HSD17B14: variants seen among roughly 807,000 people sequenced by gnomAD.
HSD17B14 encodes hydroxysteroid 17-beta dehydrogenase 14.
Under a neutral mutation model 32.2 loss-of-function variants are expected in HSD17B14, and 32 were observed. The observed-to-expected ratio is 0.99, with a 90% CI of 0.75 to 1.33. The LOEUF (loss-of-function observed/expected upper bound fraction) is 1.33. HSD17B14 is among the 40% of genes most tolerant of loss of function. HSD17B14 has a pLI of 0.00. For synonymous variants in HSD17B14, 140 were observed against 155.4 expected (o/e 0.90, Z 0.74); for missense variants, 370 against 366.5 (o/e 1.01, Z -0.08).
At chr19:48,825,104 G>A (rs1436380244) in intron 5 of HSD17B14, among the ~76,000 whole-genome samples, 1 of 151,994 alleles carries the variant, frequency 6.6e-6, no homozygotes, top group East Asian at 1.9e-4. Context: ...CAGGTGTGGT[G>A]GCGTGTGCCT....
chr19:48,834,964 G>T (rs1440358406), intron 2 of HSD17B14, among the ~76,000 whole-genome samples: 56 of 29,716 alleles, frequency 1.9e-3, no homozygotes, highest in African/African-American at 0.011. Flanking sequence ...AGGGAGGAGG[G>T]GCTGGGGGCC....
chr19:48,831,502 G>C (rs960743061), intron 5 of HSD17B14, among the ~76,000 whole-genome samples, 166 bp downstream of exon 5: 1 of 151,670 alleles, frequency 6.6e-6, no homozygotes, highest in Non-Finnish European at 1.5e-5. Flanking sequence ...GCAGTGAGCT[G>C]AGATCACACC....
chr19:48,827,363 T>C (rs974637435), intron 5 of HSD17B14, among the ~76,000 whole-genome samples: 3 of 151,920 alleles, frequency 2.0e-5, no homozygotes, highest in Non-Finnish European at 4.4e-5. Context: ...TTTTCTTCTG[T>C]TGTGTGTTCA....
At chr19:48,824,316 T>G (rs1041304928) in intron 5 of HSD17B14, among the ~76,000 whole-genome samples, 1 of 113,774 alleles carries the variant, frequency 8.8e-6, no homozygotes, top group African/African-American at 3.5e-5. Flanking sequence ...TAGTCCCAGC[T>G]ACTCGGCGGG....
rs781263301 is a variant in HSD17B14 at position 48,813,526 on chromosome 19, G to A, written c.569C>T (p.Pro190Leu). The change falls in exon 8 of 9, where the codon CCG (proline) becomes CTG (leucine). Residue 190 changes from proline to leucine, a missense_variant. Physicochemically the swap from Pro to Leu is moderately conservative, Grantham distance 98. Transcript: ENST00000263278. The part of the protein sequence containing the change: ...NCISPGNIWT[P>L]LWEELAALMP... ...TAAGGCTGCCAGCTCCTCCCACAGC[G>A]GGGTCCAGATGTTTCCTGGGGAGAT... 3.5e-5 allele frequency: 56 copies of A among 1,614,058 alleles called. No individual in the cohort carries two copies. In the South Asian group the frequency reaches 4.6e-4, roughly 13 times the overall value.
At position 48,813,396 on chromosome 19, in the gene HSD17B14, T is replaced by C. The variant is rs201854869; in HGVS notation, c.640-48A>G. 5.4e-4 allele frequency: 836 copies of C among 1,554,390 alleles called. 1 individual carries two copies. Among genetic ancestry groups the C allele is most frequent in the Non-Finnish European group, 6.7e-4 (764 of 1,147,470 alleles). ...GGAGGTCAAGAGGAGCCCCACTTGA[T>C]CGCCATGCCCCCCACCCCCATGCCA... On this transcript the variant is annotated intron_variant, in intron 8 of 8. Coordinates refer to ENST00000263278, the MANE Select transcript of HSD17B14 (RefSeq NM_016246.3).
Position 48,831,655 on chromosome 19 carries a change from C to T in HSD17B14, c.369+13G>A, listed in dbSNP as rs759400831. ...GGCTGCTCGGGCCTGGCGGCAGGGT[C>T]GCCAGCCCTCACCTTGGTCAAGGTG... On this transcript the variant is annotated intron_variant, in intron 5 of 8. Transcript: ENST00000263278. 7 of 1,606,840 alleles carry T rather than the reference C, an allele frequency of 4.4e-6. No homozygotes were observed. The Admixed American group carries it at 5.0e-5, about 11-fold the overall frequency.
In HSD17B14 at chr19:48,832,661, C is replaced by T. The variant is rs762132140; in HGVS notation, c.277+5G>A. 5 of 1,612,566 alleles carry T rather than the reference C, an allele frequency of 3.1e-6. No homozygotes were observed. The highest frequency in any genetic ancestry group is 1.3e-5 in the African/African-American group (1 of 74,878). On this transcript the variant is annotated splice_donor_5th_base_variant and intron_variant, in intron 4 of 8. Coordinates refer to ENST00000263278, the MANE Select transcript of HSD17B14 (RefSeq NM_016246.3). ...GGAGAATGGCCCTGGGGTCTCACAA[C>T]TCACGGTGGCCAGCGTTGTTGACAA... is the stretch of plus-strand genomic sequence containing the variant.
intron 5 of HSD17B14, among the ~76,000 whole-genome samples, chr19:48,816,715 C>T (rs375585790): frequency 2.0e-5 from 3 of 152,116 alleles, no homozygotes; most frequent in South Asian, 2.1e-4. Flanking sequence ...TTTGGGAAGC[C>T]GAGGAGGGAG....
intron 5 of HSD17B14, among the ~76,000 whole-genome samples, chr19:48,826,056 G>A (rs1385318240): frequency 2.6e-5 from 4 of 151,820 alleles, no homozygotes; most frequent in Non-Finnish European, 5.9e-5. Flanking sequence ...TCCTGACCTC[G>A]GGATCCGCCC....
intron 3 of HSD17B14, 76 bp from the exon 4 acceptor site, chr19:48,832,808 C>A: frequency 8.0e-7 from 1 of 1,250,848 alleles, no homozygotes; most frequent in Non-Finnish European, 1.1e-6. Context: ...GGCTGGAGTG[C>A]ATTGGCACGA....
chr19:48,823,512 A>G (rs897985980), intron 5 of HSD17B14, among the ~76,000 whole-genome samples: 1 of 152,152 alleles, frequency 6.6e-6, no homozygotes, highest in Non-Finnish European at 1.5e-5. Flanking sequence ...TACTTTGACA[A>G]AAAGAAATAT....
In HSD17B14 at chr19:48,836,390, C is replaced by G; in HGVS notation, c.22G>C (p.Ala8Pro). Reference sequence around the variant, plus strand: ...CCGGTCACGACCACCACCTTCCCGGCATAGCGCGTTCCCGTAGCCATCCCG... The same window carrying G: ...CCGGTCACGACCACCACCTTCCCGGGATAGCGCGTTCCCGTAGCCATCCCG... MATGTRY[A>P]GKVVVVTGGG... is the part of the protein sequence containing the mutation. Residue 8 changes from alanine to proline, a missense_variant, in exon 1 of 9, where the codon GCC becomes CCC. Transcript: ENST00000263278. The G allele has an allele frequency of 6.2e-7, 1 of 1,613,892 alleles. No homozygotes were observed. The highest frequency in any genetic ancestry group is 8.5e-7 in the Non-Finnish European group (1 of 1,179,980).
At chr19:48,832,306 G>C (rs538398861) in intron 4 of HSD17B14, among the ~76,000 whole-genome samples, 134 of 151,636 alleles carry the variant, frequency 8.8e-4, no homozygotes, top group African/African-American at 2.8e-3. Flanking sequence ...TTGAACCCAA[G>C]AGGCAGAGGT....
rs2035031013 is a variant in HSD17B14 at position 48,815,147 on chromosome 19, G to A, written c.370-6C>T. ...CGCAGGTAGGGGAGGGCGAGCTAGGGAGACAAGAGGCCAAGTAAGCTACAC... is the reference window on the plus strand; with the variant it reads ...CGCAGGTAGGGGAGGGCGAGCTAGGAAGACAAGAGGCCAAGTAAGCTACAC... On this transcript the variant is annotated splice_region_variant and splice_polypyrimidine_tract_variant and intron_variant, in intron 5 of 8. Transcript: ENST00000263278. 1 of 1,608,516 alleles carries A rather than the reference G, an allele frequency of 6.2e-7. No homozygotes were observed. Among genetic ancestry groups the A allele is most frequent in the Admixed American group, 1.7e-5 (1 of 59,970 alleles).
At chr19:48,824,594 C>A (rs2035212791) in intron 5 of HSD17B14, among the ~76,000 whole-genome samples, 1 of 151,110 alleles carries the variant, frequency 6.6e-6, no homozygotes, top group Non-Finnish European at 1.5e-5. Context: ...CATGGTGAAA[C>A]CCTGCCTCTA....
At chr19:48,816,797 T>TTCTTTCTTTCTTTCTC (rs2035060636) in intron 5 of HSD17B14, among the ~76,000 whole-genome samples, 2 of 111,956 alleles carry the variant, frequency 1.8e-5, no homozygotes, top group Non-Finnish European at 3.6e-5. Context: ...CTTTCTTTCT[T>TTCTTTCTTTCTTTCTC]TCTTTCTTTC....
intron 5 of HSD17B14, among the ~76,000 whole-genome samples, chr19:48,819,088 A>G (rs2035103891): frequency 6.6e-6 from 1 of 152,150 alleles, no homozygotes; most frequent in African/African-American, 2.4e-5. Flanking sequence ...TCCCAGGTTC[A>G]AGCAATTCTT....
chr19:48,820,590 G>T (rs2035129794), intron 5 of HSD17B14, among the ~76,000 whole-genome samples: 1 of 150,322 alleles, frequency 6.7e-6, no homozygotes, highest in Admixed American at 6.6e-5. Flanking sequence ...GGAGTGCAGT[G>T]GCGCAATCTT....
Sources: allele counts gnomAD v4.1 joint callset (sites outside exome capture counted in the v4.1 genomes callset), GRCh38; gene constraint gnomAD v4.1.1; transcripts MANE v1.5; gene names NCBI Gene and HGNC (gene_info 2026-07-23, HGNC 2026-07-21).